Variants in HLF observed in about 807,000 individuals in gnomAD.
HLF encodes the protein hepatic leukemia factor.
Under a neutral mutation model 22.6 loss-of-function variants are expected in HLF, and 3 were observed. That is an observed-to-expected ratio of 0.13 (90% CI 0.06 to 0.34). The LOEUF is 0.34. Among genes scored for constraint, HLF ranks in the 10% least tolerant of loss-of-function variants. The probability of loss-of-function intolerance (pLI) is 1.00; values close to 1 mark genes in which losing one functional copy is unlikely to be tolerated. For synonymous variants in HLF, 151 were observed against 151.8 expected, an observed-to-expected ratio of 0.99 and a Z score of 0.04; for missense variants, 299 against 389.2, an observed-to-expected ratio of 0.77 and a Z score of 1.95.
chr17:55,278,659 C>A (rs2080927564), intron 2 of HLF, among the ~76,000 whole-genome samples: 1 of 152,176 alleles, frequency 6.6e-6, no homozygotes, highest in Admixed American at 6.5e-5. Context: ...GAACAGAAAT[C>A]TCAATACCCC....
At chr17:55,300,962 C>T (rs1270455699) in intron 2 of HLF, among the ~76,000 whole-genome samples, 1 of 152,266 alleles carries the variant, frequency 6.6e-6, no homozygotes, top group Non-Finnish European at 1.5e-5. Flanking sequence ...GTTACACCAG[C>T]TACTCTCAGT....
chr17:55,305,958 A>G (rs1280582785), intron 2 of HLF, among the ~76,000 whole-genome samples: 2 of 152,226 alleles, frequency 1.3e-5, no homozygotes, highest in African/African-American at 2.4e-5. Flanking sequence ...TCTGTTTTCT[A>G]TTCCTTTATT....
intron 3 of HLF, among the ~76,000 whole-genome samples, chr17:55,317,171 G>A (rs926979175): frequency 6.6e-6 from 1 of 151,954 alleles, no homozygotes; most frequent in Non-Finnish European, 1.5e-5. Context: ...ATTTCACCGT[G>A]TTCGCCAGGA....
intron 2 of HLF, among the ~76,000 whole-genome samples, chr17:55,309,133 G>C (rs1393705113): frequency 6.6e-6 from 1 of 152,202 alleles, no homozygotes; most frequent in Non-Finnish European, 1.5e-5. Flanking sequence ...AGGTCCCATG[G>C]AATAGGACAT....
Position 55,320,506 on chromosome 17 carries a change from C to G in HLF, c.673-158C>G, listed in dbSNP as rs1377480008. ...GGAAGTGTGGCTCATGGGCCACACT[C>G]TCAGACATGCAGAAACTGTAAAGGA... On this transcript the variant is annotated intron_variant, in intron 3 of 3. Coordinates refer to ENST00000226067, the MANE Select transcript of HLF (RefSeq NM_002126.5). The surrounding 1 kb of genome is among the most constrained non-coding windows in gnomAD (Gnocchi z 4.2). Among the ~76,000 whole-genome samples the G allele has an allele frequency of 1.3e-5, 2 of 152,162 alleles. No homozygotes were observed. The highest frequency in any genetic ancestry group is 2.9e-5 in the Non-Finnish European group (2 of 68,034).
At chr17:55,304,634 G>A (rs774755330) in intron 2 of HLF, among the ~76,000 whole-genome samples, 1 of 152,190 alleles carries the variant, frequency 6.6e-6, no homozygotes, top group Non-Finnish European at 1.5e-5. Flanking sequence ...TGATCCCAGG[G>A]CGATGTGCTG....
At chr17:55,292,240 G>A (rs1205907524) in intron 2 of HLF, among the ~76,000 whole-genome samples, 4 of 152,188 alleles carry the variant, frequency 2.6e-5, no homozygotes, top group African/African-American at 4.8e-5. Context: ...ATAACACCGC[G>A]TGCTACAGAA....
chr17:55,283,159 C>A (rs970064991), intron 2 of HLF, among the ~76,000 whole-genome samples: 3 of 151,944 alleles, frequency 2.0e-5, no homozygotes, highest in Non-Finnish European at 4.4e-5. Flanking sequence ...GAAGGAAACA[C>A]CCCAGGGCCC....
intron 2 of HLF, among the ~76,000 whole-genome samples, chr17:55,308,197 G>A (rs541378530): frequency 1.6e-4 from 25 of 152,332 alleles, no homozygotes; most frequent in African/African-American, 5.8e-4. Context: ...CTGTGGAGAC[G>A]TGGGAGATAG....
chr17:55,275,117 A>G (rs1469633913), intron 2 of HLF, among the ~76,000 whole-genome samples: 2 of 152,188 alleles, frequency 1.3e-5, no homozygotes, highest in Non-Finnish European at 2.9e-5. Flanking sequence ...GTTTTTTGAG[A>G]CAGGGTCATG....
At chr17:55,269,992 T>A (rs979911933) in intron 2 of HLF, among the ~76,000 whole-genome samples, 1 of 152,238 alleles carries the variant, frequency 6.6e-6, no homozygotes, top group African/African-American at 2.4e-5. Flanking sequence ...TGTTCACACC[T>A]TGGTTCCTAC....
At chr17:55,316,838 T>C (rs537800498) in intron 3 of HLF, among the ~76,000 whole-genome samples, 2 of 152,158 alleles carry the variant, frequency 1.3e-5, no homozygotes, top group East Asian at 1.9e-4. Flanking sequence ...AGTCAGGACA[T>C]TGATGGTTAG....
chr17:55,306,825 C>A (rs1426162373), intron 2 of HLF, among the ~76,000 whole-genome samples: 4 of 150,890 alleles, frequency 2.7e-5, no homozygotes, highest in African/African-American at 9.8e-5. Context: ...TTTATTTCTT[C>A]TTTGATTCAT....
chr17:55,286,427 A>G (rs2081004787), intron 2 of HLF, among the ~76,000 whole-genome samples: 1 of 152,024 alleles, frequency 6.6e-6, no homozygotes, highest in African/African-American at 2.4e-5. Flanking sequence ...CAAAAAGAGG[A>G]ATTAGGAGAA....
chr17:55,291,642 C>T (rs1490462947), intron 2 of HLF, among the ~76,000 whole-genome samples: 2 of 152,198 alleles, frequency 1.3e-5, no homozygotes, highest in Non-Finnish European at 2.9e-5. Flanking sequence ...CACATTTATT[C>T]TTCAGCCTAT....
chr17:55,325,166 GATA>G lies in HLF; in HGVS notation c.*4291_*4293del. On this transcript the variant is annotated 3_prime_UTR_variant, in exon 4 of 4. Coordinates refer to ENST00000226067, the MANE Select transcript of HLF (RefSeq NM_002126.5). ...GAGATTATTACCTAGATAATAAAAT[GATA>G]ATACTATATAATTAGTAATAAATTA... The G allele has an allele frequency of 5.6e-6, 1 of 178,012 alleles. No individual in the cohort carries two copies. The highest frequency in any genetic ancestry group is 2.0e-4 in the South Asian group (1 of 5,032). 11.0% of individuals were successfully genotyped at this position (178,012 alleles called of 1,614,324 possible).
intron 2 of HLF, among the ~76,000 whole-genome samples, chr17:55,312,486 A>G (rs559747135): frequency 6.6e-6 from 1 of 152,396 alleles, no homozygotes; most frequent in African/African-American, 2.4e-5. Flanking sequence ...TTATATATCC[A>G]AACTATGGGA....
rs570786479 is a variant in HLF at position 55,298,701 on chromosome 17, T to C, written c.452-16526T>C. On this transcript the variant is annotated intron_variant, in intron 2 of 3. Coordinates refer to ENST00000226067, the MANE Select transcript of HLF (RefSeq NM_002126.5). ...TAAATATGTGTGAAAATTTACCTAC[T>C]TCTCCCTACCAACATGGAGGTGGAA... Among the ~76,000 whole-genome samples, 168 of 152,332 alleles carry C rather than the reference T, an allele frequency of 1.1e-3. 1 individual carries two copies. Among genetic ancestry groups the C allele is most frequent in the Non-Finnish European group, 1.9e-3 (131 of 68,020 alleles).
At chr17:55,275,343 A>G (rs1344573897) in intron 2 of HLF, among the ~76,000 whole-genome samples, 2 of 152,146 alleles carry the variant, frequency 1.3e-5, no homozygotes, top group African/African-American at 4.8e-5. Flanking sequence ...CAATCCACCG[A>G]CCTTGGCCTC....
Sources: gnomAD v4.1 joint callset for allele counts (sites outside exome capture counted in the v4.1 genomes callset) on GRCh38, gnomAD v4.1.1 for gene constraint, Gnocchi (gnomAD v3.1) non-coding constraint, MANE v1.5 for transcripts, NCBI Gene and HGNC (gene_info 2026-07-23, HGNC 2026-07-21) for gene names.